CTNNA3: variants seen among roughly 807,000 people sequenced by gnomAD.
The protein encoded by CTNNA3 is catenin alpha-3.
Under a neutral mutation model 95.7 loss-of-function variants are expected in CTNNA3, and 76 were observed. That is an observed-to-expected ratio of 0.79 (90% CI 0.66 to 0.96). The LOEUF is 0.96. Among genes scored for constraint, CTNNA3 ranks in the 40% least tolerant of loss-of-function variants. CTNNA3 has a pLI of 0.00. For missense variants in CTNNA3, 1,191 were observed against 1,089.8 expected, an observed-to-expected ratio of 1.09 and a Z score of -1.31; for synonymous variants, 431 against 374.4, an observed-to-expected ratio of 1.15 and a Z score of -1.74.
At chr10:67,057,272 T>G (rs1032772168) in intron 7 of CTNNA3, among the ~76,000 whole-genome samples, 3 of 152,158 alleles carry the variant, frequency 2.0e-5, no homozygotes, top group Non-Finnish European at 4.4e-5. Flanking sequence ...ACATACTGTG[T>G]GTGTGTGCTG....
At chr10:66,684,923 A>G (rs1294296573) in intron 9 of CTNNA3, among the ~76,000 whole-genome samples, 1 of 151,626 alleles carries the variant, frequency 6.6e-6, no homozygotes, top group Non-Finnish European at 1.5e-5. Context: ...AAATTATCTT[A>G]TTGTCTTTGT....
At chr10:66,880,327 T>G (rs1308825545) in intron 7 of CTNNA3, among the ~76,000 whole-genome samples, 1 of 152,048 alleles carries the variant, frequency 6.6e-6, no homozygotes, top group Non-Finnish European at 1.5e-5. Flanking sequence ...AAGCCACATT[T>G]AAGAGTAAAG....
chr10:66,997,180 G>C (rs1382109356), intron 7 of CTNNA3, among the ~76,000 whole-genome samples: 1 of 152,064 alleles, frequency 6.6e-6, no homozygotes, highest in Non-Finnish European at 1.5e-5. Flanking sequence ...ACAACCCTTT[G>C]TATTATTTCA....
intron 1 of CTNNA3, among the ~76,000 whole-genome samples, chr10:67,687,607 C>T (rs1390684940): frequency 1.3e-5 from 2 of 152,064 alleles, no homozygotes; most frequent in Non-Finnish European, 2.9e-5. Context: ...TTTAATAATG[C>T]CTCCAGATTT....
intron 7 of CTNNA3, among the ~76,000 whole-genome samples, chr10:66,804,350 C>T (rs895982041): frequency 1.3e-5 from 2 of 151,944 alleles, no homozygotes; most frequent in African/African-American, 4.8e-5. Flanking sequence ...CCCAGTGCCT[C>T]ATTAGTGAAC....
intron 9 of CTNNA3, among the ~76,000 whole-genome samples, chr10:66,622,339 TC>T (rs1564574662): frequency 6.6e-6 from 1 of 152,198 alleles, no homozygotes; most frequent in Non-Finnish European, 1.5e-5. Context: ...TGTTTGACAT[TC>T]CTGCAGTGCA....
chr10:67,683,700 C>T lies in CTNNA3; in HGVS notation c.-6+12300G>A, dbSNP rs573699025. On this transcript the variant is annotated intron_variant, in intron 1 of 17. Transcript: ENST00000433211. Reference sequence around the variant, plus strand: ...ATCTCACTGACTTCAAGAACGAAGCCACAGACACTCGTGGTGAGTGTTACC... The same window carrying T: ...ATCTCACTGACTTCAAGAACGAAGCTACAGACACTCGTGGTGAGTGTTACC... Among the ~76,000 whole-genome samples the T allele has an allele frequency of 2.6e-5, 4 of 152,314 alleles. No individual in the cohort carries two copies. The East Asian group carries it at 7.7e-4, about 29-fold the overall frequency.
At chr10:66,541,073 A>C (rs1279054371) in intron 10 of CTNNA3, among the ~76,000 whole-genome samples, 1 of 152,128 alleles carries the variant, frequency 6.6e-6, no homozygotes, top group African/African-American at 2.4e-5. Context: ...CCTGTTAATA[A>C]TAATCAACTA....
At chr10:66,634,471 A>G (rs1367265824) in intron 9 of CTNNA3, among the ~76,000 whole-genome samples, 1 of 152,100 alleles carries the variant, frequency 6.6e-6, no homozygotes, top group African/African-American at 2.4e-5. Flanking sequence ...GCACAAAAAC[A>G]AGTCAATTAA....
intron 9 of CTNNA3, among the ~76,000 whole-genome samples, chr10:66,627,629 C>T (rs900647578): frequency 6.6e-6 from 1 of 151,976 alleles, no homozygotes; most frequent in Non-Finnish European, 1.5e-5. Flanking sequence ...AATGTATAAC[C>T]ATAATTATTT....
At chr10:67,194,521 T>C (rs1353439925) in intron 6 of CTNNA3, among the ~76,000 whole-genome samples, 1 of 150,946 alleles carries the variant, frequency 6.6e-6, no homozygotes, top group Non-Finnish European at 1.5e-5. Context: ...AGGGAAAAAC[T>C]ATGGAGACAG....
intron 11 of CTNNA3, among the ~76,000 whole-genome samples, chr10:66,437,020 C>T (rs11497935): frequency 0.12 from 17,843 of 152,058 alleles, 1,520 homozygotes; most frequent in African/African-American, 0.24. Context: ...TCAGCCCCCA[C>T]CCTCTTCTGG....
intron 7 of CTNNA3, among the ~76,000 whole-genome samples, chr10:66,827,001 G>T (rs1444131867): frequency 6.6e-6 from 1 of 152,090 alleles, no homozygotes; most frequent in African/African-American, 2.4e-5. Flanking sequence ...TCCAAAAATT[G>T]ACTATATCTT....
At chr10:66,108,650 T>C (rs2133768311) in intron 13 of CTNNA3, among the ~76,000 whole-genome samples, 1 of 152,292 alleles carries the variant, frequency 6.6e-6, no homozygotes, top group East Asian at 1.9e-4. Flanking sequence ...ATTTTATCCC[T>C]ACTAGAACTT....
At chr10:66,539,224 A>G (rs1169352669) in intron 10 of CTNNA3, among the ~76,000 whole-genome samples, 8 of 152,202 alleles carry the variant, frequency 5.3e-5, no homozygotes, top group African/African-American at 1.9e-4. Context: ...TTATGTGGGT[A>G]TTTATAAATT....
intron 9 of CTNNA3, among the ~76,000 whole-genome samples, chr10:66,761,582 A>G (rs2132765644): frequency 1.3e-5 from 2 of 152,282 alleles, no homozygotes; most frequent in South Asian, 4.1e-4. Flanking sequence ...ATTCAAAAAA[A>G]GAGTGAAATT....
At chr10:67,578,893 A>T (rs1400038927) in intron 3 of CTNNA3, among the ~76,000 whole-genome samples, 2 of 150,688 alleles carry the variant, frequency 1.3e-5, no homozygotes, top group African/African-American at 4.8e-5. Flanking sequence ...AGATGAACAT[A>T]TGTTTCTTTC....
chr10:67,033,193 A>G (rs557007998), intron 7 of CTNNA3, among the ~76,000 whole-genome samples: 1 of 152,296 alleles, frequency 6.6e-6, no homozygotes, highest in East Asian at 1.9e-4. Context: ...AGTCCTCTTG[A>G]ATTTTGAGCT....
intron 12 of CTNNA3, among the ~76,000 whole-genome samples, chr10:66,362,084 G>T (rs1173813223): frequency 2.0e-5 from 3 of 148,810 alleles, no homozygotes; most frequent in Non-Finnish European, 4.4e-5. Flanking sequence ...ATATCACAGA[G>T]GTTCATACAC....
Sources: gnomAD v4.1 joint callset for allele counts (sites outside exome capture counted in the v4.1 genomes callset) on GRCh38, gnomAD v4.1.1 for gene constraint, MANE v1.5 for transcripts, NCBI Gene and HGNC (gene_info 2026-07-23, HGNC 2026-07-21) for gene names.